CBLB: variants seen among roughly 807,000 people sequenced by gnomAD.
CBLB encodes the protein Cbl proto-oncogene B.
CBLB carries 31 observed loss-of-function variants against 104.9 expected under a neutral mutation model. The ratio of observed to expected loss-of-function variants is 0.30; its 90% CI spans 0.22 to 0.40. The LOEUF is 0.40. CBLB is among the 10% of genes least tolerant of loss of function. The pLI is 1.00. For missense variants in CBLB, 1,062 were observed against 1,214.6 expected (o/e 0.87, Z 1.87); for synonymous variants, 440 against 422.6 (o/e 1.04, Z -0.51).
intron 3 of CBLB, among the ~76,000 whole-genome samples, chr3:105,820,527 C>T (rs1238577476): frequency 6.6e-6 from 1 of 152,144 alleles, no homozygotes; most frequent in African/African-American, 2.4e-5. Context: ...AGAGCTCATG[C>T]TCAACAAAAG....
intron 3 of CBLB, among the ~76,000 whole-genome samples, chr3:105,819,734 T>C (rs1221275654): frequency 6.6e-6 from 1 of 152,176 alleles, no homozygotes; most frequent in Non-Finnish European, 1.5e-5. Flanking sequence ...ATAGAGAGTC[T>C]CAAACCATTC....
At chr3:105,719,934 T>C in intron 10 of CBLB, 113 bp downstream of exon 10, 2 of 785,978 alleles carry the variant, frequency 2.5e-6, no homozygotes, top group Non-Finnish European at 4.4e-6. Flanking sequence ...CTAGTATGTG[T>C]GTGTGCCTCT....
chr3:105,830,191 T>TC (rs2087271674), intron 3 of CBLB, among the ~76,000 whole-genome samples: 2 of 151,980 alleles, frequency 1.3e-5, no homozygotes, highest in African/African-American at 4.8e-5. Context: ...ACCTTACAAA[T>TC]CCCCATGAAC....
At chr3:105,781,344 A>G (rs1333020356) in intron 3 of CBLB, among the ~76,000 whole-genome samples, 3 of 152,212 alleles carry the variant, frequency 2.0e-5, no homozygotes, top group African/African-American at 7.2e-5. Context: ...ACCGTTTATA[A>G]ACAAGTCTTA....
intron 9 of CBLB, among the ~76,000 whole-genome samples, chr3:105,732,087 A>T (rs2074378422): frequency 6.6e-6 from 1 of 152,224 alleles, no homozygotes; most frequent in Admixed American, 6.5e-5. Context: ...AAGGCAAAGA[A>T]GGGTGACAAA....
Position 105,658,907 on chromosome 3 carries a change from T to C in CBLB, c.*63A>G, listed in dbSNP as rs1450109078. On this transcript the variant is annotated 3_prime_UTR_variant, in exon 19 of 19. Transcript: ENST00000394030. ...TCTCTTGAATTCCATCTCAGTTCTC[T>C]TTATTTCCACACTCTTGGAATACAT... 1 of 1,567,198 alleles carries C rather than the reference T, an allele frequency of 6.4e-7. No individual in the cohort carries two copies. Among genetic ancestry groups the C allele is most frequent in the Admixed American group, 1.7e-5 (1 of 59,658 alleles).
rs970501665 is a variant in CBLB at position 105,853,332 on chromosome 3, C to T, written c.419+82G>A. Reference sequence around the variant, plus strand: ...ACTCACATTTACCCCAAAACAATTACATGGTGACGTTTAGGTTAACTATTA... The same window carrying T: ...ACTCACATTTACCCCAAAACAATTATATGGTGACGTTTAGGTTAACTATTA... On this transcript the variant is annotated intron_variant, in intron 3 of 18. Coordinates refer to ENST00000394030, the MANE Select transcript of CBLB (RefSeq NM_170662.5). The T allele has an allele frequency of 4.3e-6, 6 of 1,409,448 alleles. No homozygotes were observed. The East Asian group carries it at 9.1e-5, about 21-fold the overall frequency. The allele number at this position is 1,409,448 out of a possible 1,614,324, so 87.3% of individuals were successfully genotyped here.
chr3:105,847,392 CCACACACACACA>C lies in CBLB; in HGVS notation c.419+6010_419+6021del, dbSNP rs112192218. 3.8e-3 allele frequency among the ~76,000 whole-genome samples: 547 copies of C among 143,540 alleles called. 3 individuals carry two copies. The highest frequency in any genetic ancestry group is 0.013 in the African/African-American group (506 of 38,670). The allele number at this position is 143,540 out of a possible 152,430, so 94.2% of individuals were successfully genotyped here. On this transcript the variant is annotated intron_variant, in intron 3 of 18. Transcript: ENST00000394030. Reference sequence around the variant, plus strand: ...TAACTACAGAACATGTAACCCTCCACCACACACACACACACACACACACACACACACACACAC... The same window carrying C: ...TAACTACAGAACATGTAACCCTCCACCACACACACACACACACACACACAC...
chr3:105,847,082 T>A (rs1381223610), intron 3 of CBLB, among the ~76,000 whole-genome samples: 1 of 152,106 alleles, frequency 6.6e-6, no homozygotes, highest in Non-Finnish European at 1.5e-5. Flanking sequence ...TTGTGGCTGC[T>A]GTTGCTTTTG....
At chr3:105,746,781 T>G (rs2076140636) in intron 5 of CBLB, among the ~76,000 whole-genome samples, 1 of 152,224 alleles carries the variant, frequency 6.6e-6, no homozygotes, top group African/African-American at 2.4e-5. Context: ...AGGTTACACA[T>G]TAACCATAAG....
intron 13 of CBLB, among the ~76,000 whole-genome samples, chr3:105,688,706 AAAT>A (rs1258793180): frequency 1.3e-5 from 2 of 152,074 alleles, no homozygotes; most frequent in Non-Finnish European, 2.9e-5. Context: ...AGACAAAACA[AAAT>A]ATAGCTATAT....
Position 105,703,249 on chromosome 3 carries a change from T to C in CBLB, c.1593+739A>G, listed in dbSNP as rs189512368. Reference sequence around the variant, plus strand: ...GTTGTGTTTACATAATTCTAAATGATATTCTAATAATGTGTGATCTTAAAA... The same window carrying C: ...GTTGTGTTTACATAATTCTAAATGACATTCTAATAATGTGTGATCTTAAAA... On this transcript the variant is annotated intron_variant, in intron 11 of 18. Transcript: ENST00000394030. 1.5e-3 allele frequency among the ~76,000 whole-genome samples: 235 copies of C among 152,332 alleles called. 3 individuals carry two copies. Among genetic ancestry groups the C allele is most frequent in the South Asian group, 4.1e-4 (2 of 4,832 alleles).
chr3:105,663,887 G>C (rs2064078424), intron 18 of CBLB, among the ~76,000 whole-genome samples: 1 of 130,826 alleles, frequency 7.6e-6, no homozygotes. Context: ...ATTATTGCTG[G>C]GGACAGAAAG....
chr3:105,703,056 T>A (rs2069487225), intron 11 of CBLB, among the ~76,000 whole-genome samples: 1 of 152,200 alleles, frequency 6.6e-6, no homozygotes. Context: ...TTATGAATTC[T>A]TACAGTATTT....
chr3:105,764,916 C>T (rs992984752), intron 4 of CBLB, among the ~76,000 whole-genome samples: 4 of 152,086 alleles, frequency 2.6e-5, no homozygotes, highest in African/African-American at 4.8e-5. Context: ...AGGCCAAAGC[C>T]GAATCCAAAA....
intron 18 of CBLB, among the ~76,000 whole-genome samples, chr3:105,665,205 C>A (rs975004610): frequency 1.3e-5 from 2 of 151,658 alleles, no homozygotes; most frequent in African/African-American, 4.8e-5. Flanking sequence ...GAATTCAAGA[C>A]CAGCCTGACC....
intron 3 of CBLB, among the ~76,000 whole-genome samples, chr3:105,814,358 G>A (rs1255856866): frequency 6.6e-6 from 1 of 152,060 alleles, no homozygotes. Flanking sequence ...CTTTTGTTTT[G>A]TTTATGCAAA....
intron 3 of CBLB, among the ~76,000 whole-genome samples, chr3:105,840,623 T>TA (rs2089405317): frequency 6.6e-6 from 1 of 152,150 alleles, no homozygotes; most frequent in Non-Finnish European, 1.5e-5. Context: ...ATATCACACA[T>TA]GAATATTACA....
rs1013733815 is a variant in CBLB, at chr3:105,720,124, T to C, written c.1330A>G (p.Met444Val). 1.9e-6 allele frequency: 3 copies of C among 1,614,044 alleles called. No homozygotes were observed. The highest frequency in any genetic ancestry group is 3.3e-5 in the Admixed American group (2 of 59,976). Residue 444 changes from methionine (M) to valine (V), a missense_variant, in exon 10 of 19, where the codon ATG becomes GTG. By Grantham distance (21) the Met-to-Val change is conservative. Coordinates refer to ENST00000394030, the MANE Select transcript of CBLB (RefSeq NM_170662.5). ...TCGTCGTCCAAGTCTAGCATCGGCA[T>C]GCCAAAGGGGTCAATGATGCTGCAA... ...RCCSIIDPFGMPMLDLDDDDD... is the reference protein window; with the variant it reads ...RCCSIIDPFGVPMLDLDDDDD...
Sources: allele counts gnomAD v4.1 joint callset (sites outside exome capture counted in the v4.1 genomes callset), GRCh38; gene constraint gnomAD v4.1.1; transcripts MANE v1.5; gene names NCBI Gene and HGNC (gene_info 2026-07-23, HGNC 2026-07-21).